Variants in JMJD8 observed in about 807,000 individuals in gnomAD.
JMJD8 encodes jumonji domain containing 8.
Under a neutral mutation model 37.6 loss-of-function variants are expected in JMJD8, and 56 were observed. That is an observed-to-expected ratio of 1.49 (90% confidence interval 1.20 to 1.86). The LOEUF is 1.86. Among genes scored for constraint, JMJD8 ranks in the 40% most tolerant of loss-of-function variants. The pLI, the probability that JMJD8 is intolerant of heterozygous loss-of-function variation, is 0.00. For missense variants in JMJD8, 542 were observed against 362.7 expected, an observed-to-expected ratio of 1.49 and a Z score of -4.01; for synonymous variants, 261 against 163.7, an observed-to-expected ratio of 1.59 and a Z score of -4.54.
chr16:683,394 G>C lies in JMJD8; in HGVS notation c.439C>G (p.Leu147Val), dbSNP rs1447419204. The change falls in exon 6 of 9, where the codon CTC becomes GTC. Residue 147 changes from leucine to valine, a missense_variant. Transcript: ENST00000609261. ...GDNNFTEWAS[L>V]FRHYSPPPFG... ...GGGGGTGGGGAGTAGTGCCGAAAGA[G>C]AGAGGCCCACTCGGTGAAGTTGTTG... 2 of 1,554,860 alleles carry C rather than the reference G, an allele frequency of 1.3e-6. No individual in the cohort carries two copies. The highest frequency in any genetic ancestry group is 2.4e-5 in the East Asian group (1 of 41,124).
At chr16:683,646 G>A (rs761121181) in intron 4 of JMJD8, 39 bp downstream of exon 4, 1 of 1,581,970 alleles carries the variant, frequency 6.3e-7, no homozygotes, top group Non-Finnish European at 8.6e-7. Flanking sequence ...CCGCCCCGGT[G>A]TTGGCAAATG....
rs769348495 is a variant in JMJD8 at position 682,092 on chromosome 16, T to C, written c.*702A>G. On this transcript the variant is annotated 3_prime_UTR_variant, in exon 9 of 9. Transcript: ENST00000609261. ...GAAGAGGAAGGTGAGTGTGTGTCGC[T>C]TGCTGCCGATGGCTGGCAGGTGCTC... 6.3e-7 allele frequency: 1 copy of C among 1,581,600 alleles called. No individual in the cohort carries two copies. Among genetic ancestry groups the C allele is most frequent in the African/African-American group, 1.3e-5 (1 of 74,598 alleles).
At position 683,861 on chromosome 16, in the gene JMJD8, C is replaced by T. The variant is rs2039810470; in HGVS notation, c.225G>A (p.Ser75=). The change falls in exon 3 of 9, where the codon TCG becomes TCA. Residue 75 remains serine, a splice_region_variant and synonymous_variant. Coordinates refer to ENST00000609261, the MANE Select transcript of JMJD8 (RefSeq NM_001005920.4). Reference sequence around the variant, plus strand: ...CGGGGACGGACGGGCACGCGCTCACCGAGTTGTCCGTGAGTCCCTGCAGGA... The same window carrying T: ...CGGGGACGGACGGGCACGCGCTCACTGAGTTGTCCGTGAGTCCCTGCAGGA... ...PVILQGLTDN[S]RFRALCSRDR... 2 of 1,584,970 alleles carry T rather than the reference C, an allele frequency of 1.3e-6. No individual in the cohort carries two copies. Among genetic ancestry groups the T allele is most frequent in the Non-Finnish European group, 1.7e-6 (2 of 1,168,060 alleles).
In JMJD8 at chr16:683,860, C is replaced by T. The variant is rs112507487; in HGVS notation, c.225+1G>A. The T allele has an allele frequency of 6.3e-7, 1 of 1,584,798 alleles. No homozygotes were observed. The highest frequency in any genetic ancestry group is 8.6e-7 in the Non-Finnish European group (1 of 1,167,964). ...CCGGGGACGGACGGGCACGCGCTCA[C>T]CGAGTTGTCCGTGAGTCCCTGCAGG... On this transcript the variant is annotated splice_donor_variant, in intron 3 of 8. Coordinates refer to ENST00000609261, the MANE Select transcript of JMJD8 (RefSeq NM_001005920.4). LOFTEE classifies it high-confidence loss of function.
Position 684,272 on chromosome 16 carries a change from C to T in JMJD8, c.48G>A (p.Val16=). The part of the protein sequence containing the change: ...RLLALWALAA[V]ALPGSGAEGD... ...CCTCCGCCCCGGAGCCGGGTAGAGC[C>T]ACAGCCGCCAGCGCCCAGAGCGCGA... is the stretch of plus-strand genomic sequence containing the variant. Residue 16 remains valine, a synonymous_variant, in exon 1 of 9, where the codon GTG becomes GTA. Coordinates refer to ENST00000609261, the MANE Select transcript of JMJD8 (RefSeq NM_001005920.4). The T allele has an allele frequency of 6.9e-7, 1 of 1,441,216 alleles. No homozygotes were observed. Among genetic ancestry groups the T allele is most frequent in the Non-Finnish European group, 9.0e-7 (1 of 1,106,124 alleles). 89.3% of individuals were successfully genotyped at this position (1,441,216 alleles called of 1,614,324 possible).
In JMJD8 at chr16:682,179, C is replaced by T. The variant is rs756496385; in HGVS notation, c.*615G>A. 8.7e-6 allele frequency: 14 copies of T among 1,608,416 alleles called. No homozygotes were observed. Among genetic ancestry groups the T allele is most frequent in the Non-Finnish European group, 8.5e-6 (10 of 1,175,772 alleles). ...CTGTGCCACAGAAGCGAGACATCCC[C>T]GACTACCTGTGTGGCAAGATCAGCT... On this transcript the variant is annotated 3_prime_UTR_variant, in exon 9 of 9. Coordinates refer to ENST00000609261, the MANE Select transcript of JMJD8 (RefSeq NM_001005920.4).
rs528533183 is a variant in JMJD8, at chr16:684,104, C to T, written c.138G>A (p.Glu46=). 3 of 1,567,194 alleles carry T rather than the reference C, an allele frequency of 1.9e-6. No individual in the cohort carries two copies. The highest frequency in any genetic ancestry group is 1.7e-6 in the Non-Finnish European group (2 of 1,165,188). Residue 46 remains glutamate (E), a synonymous_variant, in exon 2 of 9, where the codon GAG becomes GAA. Transcript: ENST00000609261. The stretch of plus-strand genomic sequence containing the variant: ...CCGCGTAGGTGAGGTCGGCCCGACG[C>T]TCCACCGTGCAGCGCTCCTCCTCCG... The part of the protein sequence containing the change: ...AVAEEERCTV[E]RRADLTYAEF...
chr16:682,960 G>T lies in JMJD8; in HGVS notation c.707C>A (p.Ala236Asp). The change falls in exon 8 of 9, where the codon GCT (alanine) becomes GAT (aspartate). Residue 236 changes from alanine to aspartate, a missense_variant. Ala to Asp is a moderately radical substitution (Grantham distance 126). Coordinates refer to ENST00000609261, the MANE Select transcript of JMJD8 (RefSeq NM_001005920.4). ...SARPLECTIR[A>D]GEVLYFPDRW... is the part of the protein sequence containing the mutation. The stretch of plus-strand genomic sequence containing the variant: ...CTCCTGCCAGCCACTGACCTCACCA[G>T]CCCGGATGGTACACTCCAGGGGCCG... 1.2e-6 allele frequency: 2 copies of T among 1,612,848 alleles called. No homozygotes were observed. The highest frequency in any genetic ancestry group is 1.7e-6 in the Non-Finnish European group (2 of 1,179,640).
chr16:683,476 C>CACCTGGAG (rs1282301970), intron 5 of JMJD8, 35 bp from the exon 6 acceptor site: 21 of 1,548,648 alleles, frequency 1.4e-5, no homozygotes, highest in Non-Finnish European at 1.8e-5. Flanking sequence ...GGGATCCTGG[C>CACCTGGAG]ACCTGGAGAC....
At position 683,877 on chromosome 16, in the gene JMJD8, C is replaced by T; in HGVS notation, c.209G>A (p.Gly70Glu). The T allele has an allele frequency of 6.3e-7, 1 of 1,585,806 alleles. No homozygotes were observed. ...YAFVRPVILQGLTDNSRFRAL... is the reference protein window; with the variant it reads ...YAFVRPVILQELTDNSRFRAL... ...CGCGCTCACCGAGTTGTCCGTGAGTCCCTGCAGGATGACGGGCCTGACGAA... is the reference window on the plus strand; with the variant it reads ...CGCGCTCACCGAGTTGTCCGTGAGTTCCTGCAGGATGACGGGCCTGACGAA... The change falls in exon 3 of 9, where the codon GGA becomes GAA. Residue 70 changes from glycine (G) to glutamate (E), a missense_variant. Physicochemically the swap from Gly to Glu is moderately conservative, Grantham distance 98. Transcript: ENST00000609261.
At position 681,924 on chromosome 16, in the gene JMJD8, G is replaced by A. The variant is rs373742723; in HGVS notation, c.*870C>T. The A allele has an allele frequency of 6.2e-6, 10 of 1,612,296 alleles. No homozygotes were observed. Among genetic ancestry groups the A allele is most frequent in the South Asian group, 1.1e-5 (1 of 91,062 alleles). The stretch of plus-strand genomic sequence containing the variant: ...CACATGTGGGTCTGTGTGTGTGCAC[G>A]TGGCGTGGGAGCATCCCCGCCTTGT... On this transcript the variant is annotated 3_prime_UTR_variant, in exon 9 of 9. Coordinates refer to ENST00000609261, the MANE Select transcript of JMJD8 (RefSeq NM_001005920.4).
At chr16:683,489 C>G (rs1206798053) in intron 5 of JMJD8, 41 bp downstream of exon 5, 2 of 1,546,326 alleles carry the variant, frequency 1.3e-6, no homozygotes, top group Non-Finnish European at 1.7e-6. Context: ...CTGGAGACTC[C>G]AAGCGTCCCC....
chr16:682,261 G>A lies in JMJD8; in HGVS notation c.*533C>T. 1.9e-6 allele frequency: 3 copies of A among 1,608,854 alleles called. No homozygotes were observed. The highest frequency in any genetic ancestry group is 2.2e-5 in the East Asian group (1 of 44,608). On this transcript the variant is annotated 3_prime_UTR_variant, in exon 9 of 9. Coordinates refer to ENST00000609261, the MANE Select transcript of JMJD8 (RefSeq NM_001005920.4). ...CAGTGGCATCACCTACGACCGCAAG[G>A]ACATCGAGGAGCACCTGCAGGTGAG... is the stretch of plus-strand genomic sequence containing the variant.
Position 682,477 on chromosome 16 carries a change from G to A in JMJD8, c.*317C>T, listed in dbSNP as rs1208312493. 2 of 1,613,366 alleles carry A rather than the reference G, an allele frequency of 1.2e-6. No homozygotes were observed. The highest frequency in any genetic ancestry group is 1.1e-5 in the South Asian group (1 of 91,084). On this transcript the variant is annotated 3_prime_UTR_variant, in exon 9 of 9. Transcript: ENST00000609261. ...CATTCATCTCTGAGAATGGCTGGGTGGAGGACTACTGAGGTTCCCTGCCCT... is the reference window on the plus strand; with the variant it reads ...CATTCATCTCTGAGAATGGCTGGGTAGAGGACTACTGAGGTTCCCTGCCCT...
chr16:682,886 AG>A lies in JMJD8; in HGVS notation c.715-13del. 3.1e-6 allele frequency: 5 copies of A among 1,612,834 alleles called. No homozygotes were observed. The highest frequency in any genetic ancestry group is 4.2e-6 in the Non-Finnish European group (5 of 1,179,808). Reference sequence around the variant, plus strand: ...GGGAAGTACAGCACCTGGTGGAGGAAGGGGGTGCAGCAGAGATTAGCTGCGG... The same window carrying A: ...GGGAAGTACAGCACCTGGTGGAGGAAGGGGTGCAGCAGAGATTAGCTGCGG... On this transcript the variant is annotated splice_polypyrimidine_tract_variant and intron_variant, in intron 8 of 8. Coordinates refer to ENST00000609261, the MANE Select transcript of JMJD8 (RefSeq NM_001005920.4).
At chr16:683,936 AG>A (rs1388231295) in intron 2 of JMJD8, 27 bp from the exon 3 acceptor site, 2 of 1,563,572 alleles carry the variant, frequency 1.3e-6, no homozygotes, top group African/African-American at 2.7e-5. Context: ...AGTCGCGGCC[AG>A]GCCGGACCGC....
rs1339819970 is a variant in JMJD8, at chr16:683,103, G to C, written c.580-16C>G. On this transcript the variant is annotated splice_polypyrimidine_tract_variant and intron_variant, in intron 7 of 8. Coordinates refer to ENST00000609261, the MANE Select transcript of JMJD8 (RefSeq NM_001005920.4). ...GGAACCAGCGCTGGGGGCATGAGCA[G>C]CAGTGTCACCCTTGCCCGTTTTGGT... is the stretch of plus-strand genomic sequence containing the variant. The C allele has an allele frequency of 1.9e-6, 3 of 1,613,616 alleles. No individual in the cohort carries two copies. The highest frequency in any genetic ancestry group is 2.5e-6 in the Non-Finnish European group (3 of 1,179,884).
At chr16:683,280 C>T (rs776608533) in intron 6 of JMJD8, 42 bp downstream of exon 6, 3 of 1,612,270 alleles carry the variant, frequency 1.9e-6, no homozygotes, top group South Asian at 2.2e-5. Flanking sequence ...TTGTACTCAC[C>T]GACAGAAGCC....
Position 682,085 on chromosome 16 carries a change from G to C in JMJD8, c.*709C>G. ...TGGATGAGAAGAGGAAGGTGAGTGT[G>C]TGTCGCTTGCTGCCGATGGCTGGCA... On this transcript the variant is annotated 3_prime_UTR_variant, in exon 9 of 9. Coordinates refer to ENST00000609261, the MANE Select transcript of JMJD8 (RefSeq NM_001005920.4). The C allele has an allele frequency of 6.3e-7, 1 of 1,581,954 alleles. No homozygotes were observed. Among genetic ancestry groups the C allele is most frequent in the Non-Finnish European group, 8.6e-7 (1 of 1,158,054 alleles).
Sources: gnomAD v4.1 joint callset for allele counts on GRCh38, gnomAD v4.1.1 for gene constraint, MANE v1.5 for transcripts, NCBI Gene and HGNC (gene_info 2026-07-23, HGNC 2026-07-21) for gene names.